FANCI: variants seen among roughly 807,000 people sequenced by gnomAD.
FANCI encodes the protein FA complementation group I.
FANCI carries 156 observed loss-of-function variants against 176.1 expected under a neutral mutation model. The ratio of observed to expected loss-of-function variants is 0.89; its 90% CI spans 0.78 to 1.01. FANCI has a LOEUF of 1.01. FANCI is among the 50% of genes least tolerant of loss of function. FANCI has a pLI of 0.00. For missense variants in FANCI, 1,678 were observed against 1,534.1 expected (o/e 1.09, Z -1.57); for synonymous variants, 613 against 541.7 (o/e 1.13, Z -1.83).
chr15:89,253,462 A>G (rs1312078707), intron 2 of FANCI, among the ~76,000 whole-genome samples: 1 of 152,108 alleles, frequency 6.6e-6, no homozygotes, highest in Non-Finnish European at 1.5e-5. Context: ...ACAGTGAGCT[A>G]TGATTGTGCC....
At chr15:89,253,794 G>T (rs925920836) in intron 2 of FANCI, among the ~76,000 whole-genome samples, 5 of 138,824 alleles carry the variant, frequency 3.6e-5, no homozygotes, top group African/African-American at 1.1e-4. Context: ...TGTGGGGGGG[G>T]GGGGGAAGAT....
intron 34 of FANCI, among the ~76,000 whole-genome samples, chr15:89,311,465 CG>C (rs1490334752): frequency 6.6e-6 from 1 of 152,088 alleles, no homozygotes; most frequent in Non-Finnish European, 1.5e-5. Context: ...CCTGCCCGCC[CG>C]GATCAGTTGG....
At chr15:89,245,304 G>C (rs1322871154) in intron 1 of FANCI, 1 of 147,058 alleles carries the variant, frequency 6.8e-6, no homozygotes, top group East Asian at 2.0e-4. Context: ...AAGTAGCTGG[G>C]ACTACAGGTG....
chr15:89,275,855 G>T (rs552209127), intron 12 of FANCI, among the ~76,000 whole-genome samples: 16 of 152,308 alleles, frequency 1.1e-4, no homozygotes, highest in African/African-American at 3.4e-4. Context: ...AACCTCAGCT[G>T]GGAGAGATTT....
At chr15:89,274,357 A>G in intron 12 of FANCI, 53 bp downstream of exon 12, 1 of 1,602,792 alleles carries the variant, frequency 6.2e-7, no homozygotes, top group Non-Finnish European at 8.5e-7. Flanking sequence ...AATGTTAGAA[A>G]ATGCAATGTG....
At position 89,299,890 on chromosome 15, in the gene FANCI, G is replaced by C; in HGVS notation, c.2727G>C (p.Leu909Phe). ...EKGKSISLLC[L>F]EGLQKIFSAV... ...GAAAGAGCATCTCACTGCTGTGCTTGGAGGGTTTACAGAAAATATTCAGTG... is the reference window on the plus strand; with the variant it reads ...GAAAGAGCATCTCACTGCTGTGCTTCGAGGGTTTACAGAAAATATTCAGTG... Residue 909 changes from leucine (L) to phenylalanine (F), a missense_variant, in exon 25 of 38, where the codon TTG becomes TTC. Physicochemically the swap from Leu to Phe is conservative, Grantham distance 22. This residue lies in a region of FANCI where 1,204 missense variants were observed against 1,077.4 expected (regional missense o/e 1.12). Transcript: ENST00000310775. 1 of 1,614,082 alleles carries C rather than the reference G, an allele frequency of 6.2e-7. No individual in the cohort carries two copies. Among genetic ancestry groups the C allele is most frequent in the Non-Finnish European group, 8.5e-7 (1 of 1,179,992 alleles).
intron 2 of FANCI, among the ~76,000 whole-genome samples, chr15:89,254,970 T>C (rs2052431050): frequency 6.6e-6 from 1 of 152,214 alleles, no homozygotes; most frequent in South Asian, 2.1e-4. Flanking sequence ...TTTAAAAACA[T>C]TGATACGATA....
At chr15:89,287,980 A>G (rs527463098) in intron 18 of FANCI, among the ~76,000 whole-genome samples, 2 of 152,370 alleles carry the variant, frequency 1.3e-5, no homozygotes, top group South Asian at 4.1e-4. Context: ...TATTATGAGA[A>G]TTACCAAAAT....
intron 34 of FANCI, among the ~76,000 whole-genome samples, chr15:89,311,253 T>C (rs914906832): frequency 6.1e-5 from 9 of 148,260 alleles, no homozygotes; most frequent in South Asian, 2.2e-4. Context: ...AGCATGACTC[T>C]GTCTCAAAAA....
At chr15:89,282,713 A>G in intron 16 of FANCI, 1 of 241,312 alleles carries the variant, frequency 4.1e-6, no homozygotes, top group Non-Finnish European at 8.2e-6. Flanking sequence ...GACAAGTGTG[A>G]CATTTTCTGG....
At chr15:89,315,204 G>A in intron 36 of FANCI, 78 bp from the exon 37 acceptor site, 1 of 1,044,518 alleles carries the variant, frequency 9.6e-7, no homozygotes. Context: ...TTTCTCAGAG[G>A]TGAACTAAAA....
chr15:89,261,760 T>C lies in FANCI; in HGVS notation c.445+19T>C, dbSNP rs1340366575. 36 of 1,614,042 alleles carry C rather than the reference T, an allele frequency of 2.2e-5. No individual in the cohort carries two copies. The East Asian group carries it at 5.6e-4, about 25-fold the overall frequency. The stretch of plus-strand genomic sequence containing the variant: ...GGAAAAGGTAATTTTCTTCCGACTT[T>C]AGTGGCTTTTTCTCTATGCACATAA... On this transcript the variant is annotated intron_variant, in intron 5 of 37. Transcript: ENST00000310775.
At chr15:89,251,304 A>G (rs1023231690) in intron 2 of FANCI, among the ~76,000 whole-genome samples, 1 of 152,240 alleles carries the variant, frequency 6.6e-6, no homozygotes, top group East Asian at 1.9e-4. Context: ...AGAAGAAAAG[A>G]GAAAGTTATG....
At chr15:89,314,591 T>G in intron 35 of FANCI, 21 bp from the exon 36 acceptor site, 1 of 1,577,162 alleles carries the variant, frequency 6.3e-7, no homozygotes, top group South Asian at 1.1e-5. Flanking sequence ...GAAATTTAAG[T>G]CTTATGTTCT....
In FANCI at chr15:89,316,402, T is replaced by G; in HGVS notation, c.3930T>G (p.Thr1310=). The change falls in exon 38 of 38, where the codon ACT becomes ACG. Residue 1310 remains threonine (T), a synonymous_variant. Coordinates refer to ENST00000310775, the MANE Select transcript of FANCI (RefSeq NM_001113378.2). ...TTAATTCTTTCCCCTTCTAGGGCAC[T>G]GCATCAGAGCATGGGGGACAGAACA... ...EDGEDENEEG[T]ASEHGGQNKE... 1 of 1,611,786 alleles carries G rather than the reference T, an allele frequency of 6.2e-7. No homozygotes were observed. The highest frequency in any genetic ancestry group is 1.1e-5 in the South Asian group (1 of 90,670).
rs759192853 is a variant in FANCI, at chr15:89,285,084, T to C, written c.1699-12T>C. On this transcript the variant is annotated splice_polypyrimidine_tract_variant and intron_variant, in intron 17 of 37. Coordinates refer to ENST00000310775, the MANE Select transcript of FANCI (RefSeq NM_001113378.2). The stretch of plus-strand genomic sequence containing the variant: ...GGTAAGATAGACGTGAATTGGCCTG[T>C]CTTCCTTTCAGGTTCATGTGGATGT... 2 of 1,614,014 alleles carry C rather than the reference T, an allele frequency of 1.2e-6. No homozygotes were observed. Among genetic ancestry groups the C allele is most frequent in the Non-Finnish European group, 8.5e-7 (1 of 1,179,920 alleles).
Position 89,312,882 on chromosome 15 carries a change from G to T in FANCI, c.3652-22G>T, listed in dbSNP as rs1000699879. Reference sequence around the variant, plus strand: ...CACAGAAAAATCATCAGGAATAAGAGAATGTGTTTCTATTTCTTTAGAATA... The same window carrying T: ...CACAGAAAAATCATCAGGAATAAGATAATGTGTTTCTATTTCTTTAGAATA... On this transcript the variant is annotated intron_variant, in intron 34 of 37. Transcript: ENST00000310775. 3.2e-6 allele frequency: 5 copies of T among 1,580,564 alleles called. No individual in the cohort carries two copies. In the East Asian group the frequency reaches 6.7e-5, roughly 21 times the overall value.
At position 89,273,480 on chromosome 15, in the gene FANCI, A is replaced by T. The variant is rs759815521; in HGVS notation, c.975+11A>T. The T allele has an allele frequency of 1.1e-5, 15 of 1,386,970 alleles. No homozygotes were observed. Among genetic ancestry groups the T allele is most frequent in the Admixed American group, 3.4e-5 (2 of 58,456 alleles). The allele number at this position is 1,386,970 out of a possible 1,614,324, so 85.9% of individuals were successfully genotyped here. A position where few individuals can be genotyped will look rare whatever the true frequency, so the allele number is the denominator to read the frequency against. On this transcript the variant is annotated intron_variant, in intron 11 of 37. Coordinates refer to ENST00000310775, the MANE Select transcript of FANCI (RefSeq NM_001113378.2). ...AGATTTCAGGACCAGGTATTTTTTT[A>T]AAATGCCATTTTGTTTCTTTCTGTA...
chr15:89,266,927 G>A (rs1356291915), intron 9 of FANCI, among the ~76,000 whole-genome samples: 2 of 152,060 alleles, frequency 1.3e-5, no homozygotes, highest in Non-Finnish European at 2.9e-5. Flanking sequence ...ATATTAAGCA[G>A]GTACTCTGGA....
Sources: gnomAD v4.1 joint callset for allele counts (sites outside exome capture counted in the v4.1 genomes callset) on GRCh38, gnomAD v4.1.1 for gene constraint, gnomAD v4.1.1 regional missense constraint, MANE v1.5 for transcripts, NCBI Gene and HGNC (gene_info 2026-07-23, HGNC 2026-07-21) for gene names.